The following CTNND2 variants were observed in gnomAD, a reference collection of about 807,000 sequenced individuals.
The protein encoded by CTNND2 is catenin delta 2.
CTNND2 carries 22 observed loss-of-function variants against 144.4 expected under a neutral mutation model. The ratio of observed to expected loss-of-function variants is 0.15; its 90% CI spans 0.11 to 0.22. CTNND2 has a LOEUF of 0.22. CTNND2 is among the 10% of genes least tolerant of loss of function. CTNND2 has a pLI of 1.00. For missense variants in CTNND2, 1,353 were observed against 1,618.8 expected (o/e 0.84, Z 2.82); for synonymous variants, 751 against 695.6 (o/e 1.08, Z -1.25).
At chr5:11,244,498 T>C (rs549596902) in intron 9 of CTNND2, among the ~76,000 whole-genome samples, 1 of 152,258 alleles carries the variant, frequency 6.6e-6, no homozygotes, top group South Asian at 2.1e-4. Context: ...TTGGCCAGGC[T>C]GGTCTTGAAC....
At chr5:11,745,930 G>A (rs191119801) in intron 1 of CTNND2, among the ~76,000 whole-genome samples, 2 of 152,292 alleles carry the variant, frequency 1.3e-5, no homozygotes, top group East Asian at 3.9e-4. Context: ...GAAAAAGGAA[G>A]CTTTATAACA....
At chr5:11,786,977 T>C (rs1790870928) in intron 1 of CTNND2, among the ~76,000 whole-genome samples, 1 of 152,200 alleles carries the variant, frequency 6.6e-6, no homozygotes, top group Non-Finnish European at 1.5e-5. Context: ...CATGCAAAAT[T>C]GTTTAAACAA....
chr5:11,217,922 T>C (rs1739369374), intron 10 of CTNND2, among the ~76,000 whole-genome samples: 1 of 152,158 alleles, frequency 6.6e-6, no homozygotes, highest in Non-Finnish European at 1.5e-5. Flanking sequence ...TTGCGGCTCA[T>C]ATTATTATCC....
chr5:11,539,730 A>C (rs1385231514), intron 3 of CTNND2, among the ~76,000 whole-genome samples: 1 of 152,194 alleles, frequency 6.6e-6, no homozygotes, highest in Admixed American at 6.5e-5. Context: ...CTCCACCTGA[A>C]ACATTTAAAA....
intron 2 of CTNND2, among the ~76,000 whole-genome samples, chr5:11,578,593 A>C (rs149785581): frequency 6.6e-6 from 1 of 152,024 alleles, no homozygotes; most frequent in Non-Finnish European, 1.5e-5. Flanking sequence ...CTCGGGAGGC[A>C]GAGGTTGCAG....
chr5:11,567,250 T>G (rs144598527), intron 2 of CTNND2, among the ~76,000 whole-genome samples: 1,994 of 152,290 alleles, frequency 0.013, 14 homozygotes, highest in Non-Finnish European at 0.015. Flanking sequence ...GTGTTTCTTT[T>G]TAATTTTTCT....
chr5:11,894,342 G>A (rs551555275), intron 1 of CTNND2, among the ~76,000 whole-genome samples: 3 of 152,158 alleles, frequency 2.0e-5, no homozygotes, highest in African/African-American at 7.2e-5. Context: ...GGCCAATTTT[G>A]TATAACTTAC....
At chr5:11,401,606 T>C (rs538295979) in intron 5 of CTNND2, among the ~76,000 whole-genome samples, 123 of 152,326 alleles carry the variant, frequency 8.1e-4, no homozygotes, top group African/African-American at 2.9e-3. Context: ...TTAACCTTTT[T>C]TGAGTACTTA....
At chr5:11,382,886 G>T (rs1758657921) in intron 7 of CTNND2, among the ~76,000 whole-genome samples, 1 of 152,070 alleles carries the variant, frequency 6.6e-6, no homozygotes, top group Non-Finnish European at 1.5e-5. Context: ...TCTCTCAGAA[G>T]CATCGAGTTT....
At chr5:11,402,894 T>C (rs190632004) in intron 5 of CTNND2, among the ~76,000 whole-genome samples, 91 of 152,322 alleles carry the variant, frequency 6.0e-4, no homozygotes, top group Non-Finnish European at 7.4e-4. Context: ...GAAGTACCCA[T>C]TTAGTTTTTA....
intron 2 of CTNND2, among the ~76,000 whole-genome samples, chr5:11,684,292 C>T (rs533096938): frequency 2.5e-4 from 38 of 151,826 alleles, no homozygotes; most frequent in African/African-American, 8.5e-4. Context: ...TTAGTGGAGA[C>T]GGGGTTTCAC....
chr5:11,496,947 T>C (rs766173792), intron 3 of CTNND2, among the ~76,000 whole-genome samples: 1 of 152,162 alleles, frequency 6.6e-6, no homozygotes, highest in Non-Finnish European at 1.5e-5. Context: ...TTCCTGAGTT[T>C]TGACTGCCTG....
intron 18 of CTNND2, among the ~76,000 whole-genome samples, chr5:11,003,904 G>A (rs1206118027): frequency 2.0e-5 from 3 of 152,154 alleles, no homozygotes; most frequent in Non-Finnish European, 4.4e-5. Flanking sequence ...ATACTTAAAG[G>A]TACAGTACGT....
intron 1 of CTNND2, among the ~76,000 whole-genome samples, chr5:11,880,702 CACT>C (rs1358744757): frequency 4.8e-5 from 1 of 20,928 alleles, no homozygotes; most frequent in African/African-American, 1.7e-4. Context: ...CTAGTACTAC[CACT>C]ACTACCACTA....
intron 3 of CTNND2, among the ~76,000 whole-genome samples, chr5:11,450,598 A>G (rs895342875): frequency 2.0e-5 from 3 of 152,112 alleles, no homozygotes; most frequent in Non-Finnish European, 4.4e-5. Flanking sequence ...GACTGATTTC[A>G]ATCTTAAAAA....
intron 1 of CTNND2, among the ~76,000 whole-genome samples, chr5:11,774,829 T>C (rs7723545): frequency 0.98 from 148,934 of 152,264 alleles, 72,918 homozygotes; most frequent in East Asian, 1. Flanking sequence ...TTAGTACAGT[T>C]CAACTAACTG....
chr5:11,346,433 G>C lies in CTNND2; in HGVS notation c.1567C>G (p.Leu523Val), dbSNP rs780056692. Residue 523 changes from leucine to valine, a missense_variant, in exon 9 of 22, where the codon CTC becomes GTC. By Grantham distance (32) the Leu-to-Val change is conservative. Around this residue, in one of 4 missense-constraint regions of CTNND2, gnomAD observed 708 missense variants for 706.4 expected, o/e 1.00. Transcript: ENST00000304623. ...ESPYSKSGPALPPEGTLARSP... is the reference protein window; with the variant it reads ...ESPYSKSGPAVPPEGTLARSP... The stretch of plus-strand genomic sequence containing the variant: ...CTGGCCAAGGTGCCTTCAGGCGGGA[G>C]AGCAGGGCCGGATTTGCTGTATGGA... The C allele has an allele frequency of 1.3e-6, 2 of 1,557,898 alleles. No homozygotes were observed. Among genetic ancestry groups the C allele is most frequent in the Non-Finnish European group, 8.7e-7 (1 of 1,148,104 alleles).
rs1374899308 is a variant in CTNND2, at chr5:11,201,976, A to G, written c.1762-2315T>C. On this transcript the variant is annotated intron_variant, in intron 10 of 21. Transcript: ENST00000304623. ...TGAGAAGGGATATTCCACGTGTACA[A>G]AAAAGGTTAAACTATGAGTATCACT... 2.0e-5 allele frequency among the ~76,000 whole-genome samples: 3 copies of G among 152,314 alleles called. No homozygotes were observed. In the South Asian group the frequency reaches 6.2e-4, roughly 32 times the overall value.
chr5:11,458,525 G>A (rs1265882145), intron 3 of CTNND2, among the ~76,000 whole-genome samples: 2 of 152,152 alleles, frequency 1.3e-5, no homozygotes, highest in East Asian at 1.9e-4. Flanking sequence ...CCTAATGGAC[G>A]CTTTAGTGCC....
Sources: gnomAD v4.1 joint callset for allele counts (sites outside exome capture counted in the v4.1 genomes callset) on GRCh38, gnomAD v4.1.1 for gene constraint, gnomAD v4.1.1 regional missense constraint, MANE v1.5 for transcripts, NCBI Gene and HGNC (gene_info 2026-07-23, HGNC 2026-07-21) for gene names.